Variants in CHD1 observed in about 807,000 individuals in gnomAD.
The protein encoded by CHD1 is chromodomain helicase DNA binding protein 1.
CHD1 carries 36 observed loss-of-function variants against 224.2 expected under a neutral mutation model. That is an observed-to-expected ratio of 0.16 (90% confidence interval 0.12 to 0.21). The LOEUF is 0.21. Among genes scored for constraint, CHD1 ranks in the 10% least tolerant of loss-of-function variants. The probability of loss-of-function intolerance (pLI) is 1.00; values close to 1 mark genes in which losing one functional copy is unlikely to be tolerated. For synonymous variants in CHD1, 668 were observed against 658.3 expected, an observed-to-expected ratio of 1.01 and a Z score of -0.23; for missense variants, 1,378 against 1,994.8, an observed-to-expected ratio of 0.69 and a Z score of 5.89.
At chr5:98,885,330 TG>T (rs1750575490) in intron 18 of CHD1, among the ~76,000 whole-genome samples, 1 of 152,274 alleles carries the variant, frequency 6.6e-6, no homozygotes, top group South Asian at 2.1e-4. Context: ...AGGCAGAGGT[TG>T]CAGTGAGTTG....
chr5:98,864,707 T>A (rs1371763280), intron 31 of CHD1, among the ~76,000 whole-genome samples: 1 of 151,550 alleles, frequency 6.6e-6, no homozygotes, highest in Non-Finnish European at 1.5e-5. Flanking sequence ...AAATAATAAA[T>A]CCTCACACCA....
chr5:98,889,866 A>AG (rs1344829143), intron 15 of CHD1: 1 of 152,220 alleles, frequency 6.6e-6, no homozygotes, highest in Non-Finnish European at 1.5e-5. Context: ...ACACAGCCAC[A>AG]GAAAAAAAAG....
At chr5:98,903,993 A>G in intron 3 of CHD1, 85 bp from the exon 4 acceptor site, 4 of 753,722 alleles carry the variant, frequency 5.3e-6, no homozygotes, top group Non-Finnish European at 8.9e-6. Context: ...CTATACCACC[A>G]TCTTTACTGC....
At chr5:98,875,209 G>T in intron 24 of CHD1, 96 bp from the exon 25 acceptor site, 1 of 708,250 alleles carries the variant, frequency 1.4e-6, no homozygotes, top group Non-Finnish European at 2.4e-6. Context: ...ATACTTGTTA[G>T]TATAAAAATT....
intron 2 of CHD1, among the ~76,000 whole-genome samples, chr5:98,911,146 A>AAAAAAAATATATATATAT (rs1491111295): frequency 2.6e-5 from 1 of 39,146 alleles, no homozygotes; most frequent in Non-Finnish European, 4.5e-5. Context: ...AAAAAAAAAA[A>AAAAAAAATATATATATAT]ATATATATAT....
intron 2 of CHD1, among the ~76,000 whole-genome samples, chr5:98,925,474 T>C (rs765345426): frequency 1.3e-4 from 20 of 152,100 alleles, no homozygotes; most frequent in Non-Finnish European, 2.1e-4. Context: ...GATTAAGTAA[T>C]TTGCCCTAAT....
chr5:98,915,091 CTA>C (rs1454007525), intron 2 of CHD1, among the ~76,000 whole-genome samples: 2 of 152,176 alleles, frequency 1.3e-5, no homozygotes, highest in Non-Finnish European at 2.9e-5. Flanking sequence ...GGACCATGAC[CTA>C]TATAATACAT....
At chr5:98,904,050 A>G in intron 3 of CHD1, 142 bp from the exon 4 acceptor site, 1 of 587,942 alleles carries the variant, frequency 1.7e-6, no homozygotes, top group Non-Finnish European at 3.0e-6. Flanking sequence ...TAACACAATT[A>G]TCATTGCAAT....
chr5:98,922,591 CA>C (rs1387350427), intron 2 of CHD1, among the ~76,000 whole-genome samples: 8 of 151,962 alleles, frequency 5.3e-5, no homozygotes, highest in African/African-American at 1.9e-4. Flanking sequence ...AATTTTGAAG[CA>C]AAAATACATT....
At position 98,892,108 on chromosome 5, in the gene CHD1, C is replaced by T. The variant is rs112891750; in HGVS notation, c.2180+417G>A. Among the ~76,000 whole-genome samples, 414 of 152,252 alleles carry T rather than the reference C, an allele frequency of 2.7e-3. 1 individual carries two copies. Among genetic ancestry groups the T allele is most frequent in the Non-Finnish European group, 4.0e-3 (275 of 68,006 alleles). ...AAAAGTCCTACTGTATAGATCTTGA[C>T]ATACAAAATTTATACCAGCTATGAT... On this transcript the variant is annotated intron_variant, in intron 15 of 35. Transcript: ENST00000614616.
At chr5:98,914,703 C>A (rs1341852988) in intron 2 of CHD1, among the ~76,000 whole-genome samples, 2 of 152,148 alleles carry the variant, frequency 1.3e-5, no homozygotes. Context: ...CTCTCCAAAG[C>A]AATCAATAAA....
chr5:98,895,463 G>A (rs973991116), intron 12 of CHD1, among the ~76,000 whole-genome samples: 1 of 152,066 alleles, frequency 6.6e-6, no homozygotes, highest in East Asian at 1.9e-4. Context: ...CATTAAAAAT[G>A]TAAAATAGGC....
In CHD1 at chr5:98,904,348, A is replaced by G. The variant is rs534838626; in HGVS notation, c.256-440T>C. 3.3e-5 allele frequency among the ~76,000 whole-genome samples: 5 copies of G among 152,300 alleles called. No homozygotes were observed. In the South Asian group the frequency reaches 8.3e-4, roughly 25 times the overall value. On this transcript the variant is annotated intron_variant, in intron 3 of 35. Transcript: ENST00000614616. The stretch of plus-strand genomic sequence containing the variant: ...GTGTCGATTTATATTCTGGCCCTCA[A>G]GCATCTTATCTCATCACAGACTGGT...
At chr5:98,872,637 TTA>T in intron 26 of CHD1, 82 bp from the exon 27 acceptor site, 1 of 1,136,660 alleles carries the variant, frequency 8.8e-7, no homozygotes, top group Non-Finnish European at 1.3e-6. Flanking sequence ...ATGCTATTAC[TTA>T]TGTTATTTAA....
chr5:98,920,550 ACT>A (rs1430390037), intron 2 of CHD1, among the ~76,000 whole-genome samples: 2 of 152,062 alleles, frequency 1.3e-5, no homozygotes, highest in African/African-American at 4.8e-5. Context: ...TAATCCCAAC[ACT>A]CTGGGAGGCC....
In CHD1 at chr5:98,901,264, C is replaced by T; in HGVS notation, c.509G>A (p.Arg170Lys). ...SGSDSESEEE[R>K]EKSSCDETES... ...TGTTTCATCACAACTGCTTTTCTCT[C>T]TCTCTTCTTCAGATTCTGAATCTGA... The change falls in exon 6 of 36, where the codon AGA becomes AAA. Residue 170 changes from arginine to lysine, a missense_variant. This residue lies in a region of CHD1 where 306 missense variants were observed against 298.1 expected (regional missense o/e 1.03). Transcript: ENST00000614616. 1 of 1,613,958 alleles carries T rather than the reference C, an allele frequency of 6.2e-7. No individual in the cohort carries two copies. The highest frequency in any genetic ancestry group is 8.5e-7 in the Non-Finnish European group (1 of 1,179,940).
intron 32 of CHD1, among the ~76,000 whole-genome samples, chr5:98,862,377 A>G (rs1748545503): frequency 6.6e-6 from 1 of 152,214 alleles, no homozygotes; most frequent in African/African-American, 2.4e-5. Flanking sequence ...AGTAAAGAAA[A>G]GTGAGGTGAG....
intron 26 of CHD1, among the ~76,000 whole-genome samples, chr5:98,872,968 C>T (rs970804437): frequency 5.9e-5 from 9 of 152,064 alleles, no homozygotes; most frequent in Admixed American, 2.0e-4. Flanking sequence ...ACTACAAGCA[C>T]GCACAATCAC....
intron 7 of CHD1, 79 bp downstream of exon 7, chr5:98,900,732 G>A (rs1404936531): frequency 7.9e-7 from 1 of 1,268,690 alleles, no homozygotes; most frequent in Non-Finnish European, 1.1e-6. Context: ...GATTACAGGG[G>A]CGACCCACTG....
Sources: allele counts gnomAD v4.1 joint callset (sites outside exome capture counted in the v4.1 genomes callset), GRCh38; gene constraint gnomAD v4.1.1; regional missense constraint gnomAD v4.1.1; transcripts MANE v1.5; gene names NCBI Gene and HGNC (gene_info 2026-07-23, HGNC 2026-07-21).